The following SKAP1 variants were observed in gnomAD, a reference collection of about 807,000 sequenced individuals.
The protein encoded by SKAP1 is src kinase associated phosphoprotein 1.
A neutral mutation model predicts 58.5 loss-of-function variants in SKAP1; 44 were observed. That is an observed-to-expected ratio of 0.75 (90% CI 0.59 to 0.97). SKAP1 has a LOEUF of 0.97. SKAP1 is among the 50% of genes least tolerant of loss of function. The pLI is 0.00. For missense variants in SKAP1, 390 were observed against 435.2 expected, an observed-to-expected ratio of 0.90 and a Z score of 0.92; for synonymous variants, 127 against 149.7, an observed-to-expected ratio of 0.85 and a Z score of 1.11.
chr17:48,155,472 C>G (rs2063963127), intron 11 of SKAP1, among the ~76,000 whole-genome samples: 2 of 152,084 alleles, frequency 1.3e-5, no homozygotes, highest in Admixed American at 6.5e-5. Flanking sequence ...ACACTGGAGC[C>G]AAGAAGACAG....
intron 2 of SKAP1, among the ~76,000 whole-genome samples, chr17:48,381,402 C>T (rs1210980189): frequency 6.6e-6 from 1 of 152,222 alleles, no homozygotes; most frequent in Non-Finnish European, 1.5e-5. Context: ...TGTGTCTTAG[C>T]ACATGGTATT....
chr17:48,290,863 TG>T (rs1444026616), intron 4 of SKAP1, among the ~76,000 whole-genome samples: 38 of 152,214 alleles, frequency 2.5e-4, no homozygotes, highest in Admixed American at 6.5e-4. Context: ...ACTTCTGACC[TG>T]GTGTGGTGAC....
At chr17:48,146,936 C>T (rs1332537000) in intron 11 of SKAP1, among the ~76,000 whole-genome samples, 1 of 152,172 alleles carries the variant, frequency 6.6e-6, no homozygotes, top group Non-Finnish European at 1.5e-5. Context: ...GCCAAGGCAT[C>T]ATCTGTTTAA....
rs1012051622 is a variant in SKAP1, at chr17:48,189,579, A to C, written c.281-79T>G. 8.2e-6 allele frequency: 8 copies of C among 974,024 alleles called. No individual in the cohort carries two copies. The African/African-American group carries it at 9.7e-5, about 12-fold the overall frequency. 60.3% of individuals were successfully genotyped at this position (974,024 alleles called of 1,614,324 possible). A position where few individuals can be genotyped will look rare whatever the true frequency, so the allele number is the denominator to read the frequency against. ...ATTTAGGCTACTTTAGGTAATTCAC[A>C]TTAATAACAGAGTACAAAAAGGGCA... On this transcript the variant is annotated intron_variant, in intron 4 of 12. Transcript: ENST00000336915.
At chr17:48,231,382 G>C (rs1447110485) in intron 4 of SKAP1, among the ~76,000 whole-genome samples, 2 of 152,016 alleles carry the variant, frequency 1.3e-5, no homozygotes, top group Non-Finnish European at 2.9e-5. Flanking sequence ...AATAGCTGTT[G>C]TAAAAGCATA....
At chr17:48,391,093 T>TAAC (rs374551183) in intron 2 of SKAP1, among the ~76,000 whole-genome samples, 5 of 151,730 alleles carry the variant, frequency 3.3e-5, no homozygotes, top group South Asian at 4.2e-4. Flanking sequence ...ACTAACTAAC[T>TAAC]AACAACAACA....
At chr17:48,262,752 T>A (rs2065498416) in intron 4 of SKAP1, among the ~76,000 whole-genome samples, 1 of 152,206 alleles carries the variant, frequency 6.6e-6, no homozygotes, top group South Asian at 2.1e-4. Context: ...TCTTCAGAAG[T>A]CAACACTTAA....
chr17:48,361,959 C>T lies in SKAP1; in HGVS notation c.178+1830G>A, dbSNP rs541837468. On this transcript the variant is annotated intron_variant, in intron 3 of 12. Coordinates refer to ENST00000336915, the MANE Select transcript of SKAP1 (RefSeq NM_003726.4). The stretch of plus-strand genomic sequence containing the variant: ...ATCAAAAGGGCAAGGTAAAAGATAC[C>T]CTCTCACTAACTCCTCCTACCCCTG... 1.1e-4 allele frequency among the ~76,000 whole-genome samples: 16 copies of T among 152,192 alleles called. No individual in the cohort carries two copies. The South Asian group carries it at 3.1e-3, about 30-fold the overall frequency.
chr17:48,442,561 T>C, the SKAP1 span, among the ~76,000 whole-genome samples: 69,775 of 151,912 alleles, frequency 0.46, 18,038 homozygotes, highest in African/African-American at 0.72. Context: ...CAACCACTTG[T>C]CCCCTTCTTG....
upstream of SKAP1, among the ~76,000 whole-genome samples, chr17:48,434,908 A>G (rs574832763): frequency 1.1e-4 from 16 of 152,268 alleles, no homozygotes; most frequent in African/African-American, 3.6e-4. Context: ...GGATCACTTG[A>G]GGCAGGGGGA....
At chr17:48,439,117 G>A in the SKAP1 span, among the ~76,000 whole-genome samples, 47,572 of 152,088 alleles carry the variant, frequency 0.31, 7,475 homozygotes, top group East Asian at 0.37. Context: ...GGGAATGGCT[G>A]TAAATTCCTA....
At chr17:48,134,767 G>C (rs543395732) in intron 12 of SKAP1, among the ~76,000 whole-genome samples, 2 of 151,754 alleles carry the variant, frequency 1.3e-5, no homozygotes, top group Non-Finnish European at 2.9e-5. Flanking sequence ...ACAATGGCGC[G>C]ATCTCGGCTC....
intron 4 of SKAP1, among the ~76,000 whole-genome samples, chr17:48,318,357 G>T (rs1000812757): frequency 1.3e-5 from 2 of 152,166 alleles, no homozygotes; most frequent in Non-Finnish European, 2.9e-5. Context: ...CAGGAGGCTG[G>T]CTCACTTTGA....
At chr17:48,193,787 CAG>C in intron 4 of SKAP1, 1 of 935,952 alleles carries the variant, frequency 1.1e-6, no homozygotes, top group East Asian at 1.2e-4. Context: ...GGTAAACGAA[CAG>C]ATCTGCAGAG....
intron 4 of SKAP1, among the ~76,000 whole-genome samples, chr17:48,238,330 C>A (rs951944039): frequency 5.9e-5 from 9 of 152,096 alleles, no homozygotes; most frequent in African/African-American, 2.2e-4. Context: ...TTCTATCTCA[C>A]CAAGCTTCTG....
intron 4 of SKAP1, among the ~76,000 whole-genome samples, chr17:48,333,096 A>G (rs1488111071): frequency 6.6e-6 from 1 of 152,174 alleles, no homozygotes; most frequent in Non-Finnish European, 1.5e-5. Flanking sequence ...TGTTCTGTAC[A>G]GTGATTCATA....
intron 4 of SKAP1, among the ~76,000 whole-genome samples, chr17:48,283,591 C>T (rs1302478241): frequency 6.6e-6 from 1 of 152,214 alleles, no homozygotes. Context: ...GGCTATATTT[C>T]ACTCTAACTA....
chr17:48,269,357 C>G (rs558786155), intron 4 of SKAP1, among the ~76,000 whole-genome samples: 11 of 152,032 alleles, frequency 7.2e-5, no homozygotes, highest in African/African-American at 2.7e-4. Flanking sequence ...CTGTCTACAC[C>G]AGGACTAGAG....
intron 4 of SKAP1, among the ~76,000 whole-genome samples, chr17:48,340,579 T>C (rs1187558876): frequency 6.6e-6 from 1 of 151,784 alleles, no homozygotes; most frequent in East Asian, 1.9e-4. Context: ...CTCAACAAAG[T>C]CCAAAGAATC....
Sources: gnomAD v4.1 joint callset for allele counts (sites outside exome capture counted in the v4.1 genomes callset) on GRCh38, gnomAD v4.1.1 for gene constraint, MANE v1.5 for transcripts, NCBI Gene and HGNC (gene_info 2026-07-23, HGNC 2026-07-21) for gene names.